ELOVL7: variants seen among roughly 807,000 people sequenced by gnomAD.
ELOVL7 encodes the protein ELOVL fatty acid elongase 7, also known as very long chain fatty acid elongase 7.
A neutral mutation model predicts 35.7 loss-of-function variants in ELOVL7; 27 were observed. The ratio of observed to expected loss-of-function variants is 0.76; its 90% CI spans 0.56 to 1.04. ELOVL7 has a LOEUF of 1.04. Ranked by LOEUF, ELOVL7 falls within the 50% of genes least tolerant of loss-of-function variation. The pLI is 0.00. For synonymous variants in ELOVL7, 113 were observed against 114.6 expected, an observed-to-expected ratio of 0.99 and a Z score of 0.09; for missense variants, 327 against 340.8, an observed-to-expected ratio of 0.96 and a Z score of 0.32.
At chr5:60,817,679 C>T (rs201775107) in intron 1 of ELOVL7, among the ~76,000 whole-genome samples, 5 of 141,428 alleles carry the variant, frequency 3.5e-5, no homozygotes, top group Non-Finnish European at 6.1e-5. Context: ...CACATATATA[C>T]ACACACACCA....
intron 1 of ELOVL7, among the ~76,000 whole-genome samples, chr5:60,840,130 T>C (rs918723312): frequency 1.3e-5 from 2 of 152,188 alleles, no homozygotes; most frequent in Non-Finnish European, 1.5e-5. Flanking sequence ...TATTTGCAGA[T>C]AGGCGCTTTC....
intron 8 of ELOVL7, among the ~76,000 whole-genome samples, chr5:60,756,197 G>T (rs1335307873): frequency 1.3e-5 from 2 of 151,908 alleles, no homozygotes; most frequent in Non-Finnish European, 2.9e-5. Flanking sequence ...ATTTTTTCAC[G>T]TTATTAAAAA....
chr5:60,815,576 A>AT (rs1404787294), intron 1 of ELOVL7, among the ~76,000 whole-genome samples: 7 of 114,984 alleles, frequency 6.1e-5, no homozygotes, highest in South Asian at 2.6e-4. Flanking sequence ...AAATTTATTT[A>AT]TTTTTTTTTG....
chr5:60,818,105 GT>G (rs997783719), intron 1 of ELOVL7, among the ~76,000 whole-genome samples: 1 of 151,806 alleles, frequency 6.6e-6, no homozygotes, highest in Non-Finnish European at 1.5e-5. Flanking sequence ...ATCACTTGAG[GT>G]CAGGAGTTCG....
At chr5:60,839,029 A>AAAATAT (rs1554069205) in intron 1 of ELOVL7, among the ~76,000 whole-genome samples, 4 of 83,192 alleles carry the variant, frequency 4.8e-5, no homozygotes, top group African/African-American at 1.3e-4. Context: ...GTCAAAAAAA[A>AAAATAT]ATATATATAT....
intron 1 of ELOVL7, among the ~76,000 whole-genome samples, chr5:60,816,256 G>A (rs1430000965): frequency 6.6e-6 from 1 of 151,994 alleles, no homozygotes; most frequent in African/African-American, 2.4e-5. Context: ...GGCGGCCCCT[G>A]TAGTCCCAGC....
chr5:60,834,716 TTAC>T (rs1202896896), intron 1 of ELOVL7, among the ~76,000 whole-genome samples: 1 of 152,174 alleles, frequency 6.6e-6, no homozygotes, highest in African/African-American at 2.4e-5. Flanking sequence ...TTCTGACTAC[TTAC>T]TACACTATAG....
chr5:60,837,795 A>G (rs745912727), intron 1 of ELOVL7, among the ~76,000 whole-genome samples: 3 of 152,116 alleles, frequency 2.0e-5, no homozygotes, highest in Non-Finnish European at 2.9e-5. Flanking sequence ...ATACAAAATT[A>G]GCCAGGCATG....
intron 1 of ELOVL7, among the ~76,000 whole-genome samples, chr5:60,805,623 C>T (rs1744880823): frequency 6.6e-6 from 1 of 152,106 alleles, no homozygotes; most frequent in African/African-American, 2.4e-5. Context: ...CACACTATTG[C>T]ATCTATTGGG....
intron 3 of ELOVL7, 54 bp from the exon 4 acceptor site, chr5:60,772,147 C>T (rs779439230): frequency 7.4e-5 from 87 of 1,179,348 alleles, no homozygotes; most frequent in Non-Finnish European, 9.6e-5. Flanking sequence ...GGGTAACTAA[C>T]AGCAACCAAC....
At chr5:60,820,699 T>C in intron 1 of ELOVL7, among the ~76,000 whole-genome samples, 1 of 152,210 alleles carries the variant, frequency 6.6e-6, no homozygotes. Context: ...CCCAATGAGT[T>C]GGACCACGAA....
At chr5:60,786,953 T>C (rs1216214482) in intron 3 of ELOVL7, among the ~76,000 whole-genome samples, 2 of 150,828 alleles carry the variant, frequency 1.3e-5, no homozygotes, top group Non-Finnish European at 3.0e-5. Flanking sequence ...AGTGAGACTC[T>C]GTCTTAAAAA....
intron 1 of ELOVL7, among the ~76,000 whole-genome samples, chr5:60,803,645 G>T (rs1456597556): frequency 2.6e-5 from 4 of 152,078 alleles, no homozygotes; most frequent in Non-Finnish European, 5.9e-5. Context: ...GCATAGGGTT[G>T]GGCTACTACT....
At chr5:60,813,216 T>G (rs752919458) in intron 1 of ELOVL7, among the ~76,000 whole-genome samples, 3 of 152,198 alleles carry the variant, frequency 2.0e-5, no homozygotes, top group Non-Finnish European at 2.9e-5. Context: ...GAATCATCTT[T>G]GACTGTGCTC....
intron 1 of ELOVL7, among the ~76,000 whole-genome samples, chr5:60,824,295 C>G (rs1445292): frequency 0.8 from 121,534 of 152,070 alleles, 48,785 homozygotes; most frequent in East Asian, 0.91. Context: ...AGTTGAGTCA[C>G]ACAAGGAACT....
At chr5:60,774,337 G>T (rs957606091) in intron 3 of ELOVL7, among the ~76,000 whole-genome samples, 2 of 152,144 alleles carry the variant, frequency 1.3e-5, no homozygotes, top group Non-Finnish European at 2.9e-5. Flanking sequence ...TGCAAAGTTG[G>T]TTCAACATAT....
intron 1 of ELOVL7, among the ~76,000 whole-genome samples, chr5:60,817,586 TGTATATATATTA>T (rs1350616834): frequency 7.4e-4 from 110 of 147,708 alleles, no homozygotes; most frequent in African/African-American, 2.2e-3. Context: ...TATATATATA[TGTATATATATTA>T]GTATATATAT....
intron 1 of ELOVL7, among the ~76,000 whole-genome samples, chr5:60,821,322 C>T (rs1745874177): frequency 6.6e-6 from 1 of 152,196 alleles, no homozygotes; most frequent in Non-Finnish European, 1.5e-5. Context: ...GGGTCTGGCA[C>T]ATGGTTGACT....
At chr5:60,793,309 AG>A (rs1420678823) in intron 2 of ELOVL7, among the ~76,000 whole-genome samples, 5 of 152,034 alleles carry the variant, frequency 3.3e-5, no homozygotes, top group African/African-American at 1.2e-4. Context: ...ATACTGCTAC[AG>A]TTTTTTTTGC....
Sources: allele counts gnomAD v4.1 joint callset (sites outside exome capture counted in the v4.1 genomes callset), GRCh38; gene constraint gnomAD v4.1.1; transcripts MANE v1.5; gene names NCBI Gene and HGNC (gene_info 2026-07-23, HGNC 2026-07-21).